Variants in RUVBL1 observed in about 807,000 individuals in gnomAD.
RUVBL1 encodes RuvB like AAA ATPase 1.
A neutral mutation model predicts 52.4 loss-of-function variants in RUVBL1; 4 were observed. That is an observed-to-expected ratio of 0.08 (90% CI 0.04 to 0.17). The LOEUF (loss-of-function observed/expected upper bound fraction) is 0.17. Among genes scored for constraint, RUVBL1 ranks in the 10% least tolerant of loss-of-function variants. The pLI is 1.00. For missense variants in RUVBL1, 298 were observed against 572.8 expected, an observed-to-expected ratio of 0.52 and a Z score of 4.90; for synonymous variants, 217 against 214.4, an observed-to-expected ratio of 1.01 and a Z score of -0.10.
At chr3:128,119,470 G>T in intron 1 of RUVBL1, 56 bp from the exon 2 acceptor site, 1 of 1,449,300 alleles carries the variant, frequency 6.9e-7, no homozygotes, top group South Asian at 1.2e-5. Context: ...TTCACAAGGG[G>T]AAAAATCTCA....
At chr3:128,146,763 C>A (rs1576492564) in intron 1 of RUVBL1, among the ~76,000 whole-genome samples, 1 of 148,630 alleles carries the variant, frequency 6.7e-6, no homozygotes, top group Non-Finnish European at 1.5e-5. Context: ...GTACGTACAT[C>A]TGTGTGTCTC....
At chr3:128,150,133 C>T (rs141522246) in intron 1 of RUVBL1, among the ~76,000 whole-genome samples, 92 of 152,312 alleles carry the variant, frequency 6.0e-4, no homozygotes, top group African/African-American at 2.0e-3. Flanking sequence ...AAGCATCCTC[C>T]TCCCTTGCAC....
At chr3:128,093,857 G>A (rs565348673) in intron 8 of RUVBL1, among the ~76,000 whole-genome samples, 1 of 152,322 alleles carries the variant, frequency 6.6e-6, no homozygotes, top group Non-Finnish European at 1.5e-5. Flanking sequence ...AGGGACAGGT[G>A]CTTCTTCTAG....
intron 3 of RUVBL1, 57 bp downstream of exon 3, chr3:128,112,831 G>T (rs192708772): frequency 3.2e-6 from 5 of 1,578,638 alleles, no homozygotes; most frequent in African/African-American, 1.4e-5. Flanking sequence ...AAGAGGCTTC[G>T]GTGCACAGGC....
chr3:128,086,421 T>C (rs1040955760), intron 9 of RUVBL1, among the ~76,000 whole-genome samples: 8 of 152,230 alleles, frequency 5.3e-5, no homozygotes, highest in African/African-American at 1.9e-4. Context: ...AAAGATGCCA[T>C]GCTCTGGTGA....
chr3:128,081,405 A>G lies in RUVBL1; in HGVS notation c.1216T>C (p.Ser406Pro). The G allele has an allele frequency of 6.2e-7, 1 of 1,612,732 alleles. No homozygotes were observed. Among genetic ancestry groups the G allele is most frequent in the Non-Finnish European group, 8.5e-7 (1 of 1,178,802 alleles). ...TTGGCCGGGGTCAGCAGCTGCACTG[A>G]GTACCTAGAGTGGACAGGGGCCAGG... ...EIGTKTTLRY[S>P]VQLLTPANLL... The change falls in exon 11 of 11, where the codon TCA (serine) becomes CCA (proline). Residue 406 changes from serine to proline, a missense_variant. Physicochemically the swap from Ser to Pro is moderately conservative, Grantham distance 74. This residue lies in a region of RUVBL1 where 161 missense variants were observed against 298.3 expected (regional missense o/e 0.54). Transcript: ENST00000322623. The surrounding 1 kb of genome is among the most constrained non-coding windows in gnomAD (Gnocchi z 4.8).
At chr3:128,105,075 T>C in intron 3 of RUVBL1, 151 bp from the exon 4 acceptor site, 1 of 683,790 alleles carries the variant, frequency 1.5e-6, no homozygotes, top group Non-Finnish European at 2.3e-6. Flanking sequence ...AATACAAACA[T>C]ATCAATGTAA....
In RUVBL1 at chr3:128,081,977, C is replaced by T. The variant is rs1422061704; in HGVS notation, c.1211+506G>A. 1 of 164,046 alleles carries T rather than the reference C, an allele frequency of 6.1e-6. No homozygotes were observed. Among genetic ancestry groups the T allele is most frequent in the African/African-American group, 2.4e-5 (1 of 41,524 alleles). The allele number at this position is 164,046 out of a possible 1,614,324, so 10.2% of individuals were successfully genotyped here. A position where few individuals can be genotyped will look rare whatever the true frequency, so the allele number is the denominator to read the frequency against. On this transcript the variant is annotated intron_variant, in intron 10 of 10. Transcript: ENST00000322623. The surrounding 1 kb of genome is among the most constrained non-coding windows in gnomAD (Gnocchi z 4.8). ...GCCACTGTGAAGGGACATGCTCTGCCGGTCCTGTGTTTGAGCCGCTGGAGA... is the reference window on the plus strand; with the variant it reads ...GCCACTGTGAAGGGACATGCTCTGCTGGTCCTGTGTTTGAGCCGCTGGAGA...
chr3:128,081,274 G>T lies in RUVBL1; in HGVS notation c.1347C>A (p.Asp449Glu). Residue 449 changes from aspartate (D) to glutamate (E), a missense_variant, in exon 11 of 11, where the codon GAC becomes GAA. Asp to Glu is a conservative substitution (Grantham distance 45). Coordinates refer to ENST00000322623, the MANE Select transcript of RUVBL1 (RefSeq NM_003707.3). The surrounding 1 kb of genome is among the most constrained non-coding windows in gnomAD (Gnocchi z 4.8). ...CTCACTTCATGTACTTATCCTGCTG[G>T]TCAGCCAGGATTTTGGCGGAGGACT... ...DAKSSAKILADQQDKYMK is the reference protein window; with the variant it reads ...DAKSSAKILAEQQDKYMK 1 of 1,614,200 alleles carries T rather than the reference G, an allele frequency of 6.2e-7. No individual in the cohort carries two copies. The highest frequency in any genetic ancestry group is 8.5e-7 in the Non-Finnish European group (1 of 1,180,016).
intron 1 of RUVBL1, among the ~76,000 whole-genome samples, chr3:128,147,440 T>A (rs536668979): frequency 1.3e-5 from 2 of 152,158 alleles, no homozygotes; most frequent in South Asian, 4.1e-4. Flanking sequence ...TTACAAAAAA[T>A]TTTAAAAATT....
intron 1 of RUVBL1, among the ~76,000 whole-genome samples, chr3:128,119,883 G>A (rs574888644): frequency 6.6e-6 from 1 of 152,322 alleles, no homozygotes; most frequent in East Asian, 1.9e-4. Context: ...AAAAAGACCA[G>A]GAAGATGAGG....
At chr3:128,122,092 A>T (rs576437923) in intron 1 of RUVBL1, among the ~76,000 whole-genome samples, 1 of 152,346 alleles carries the variant, frequency 6.6e-6, no homozygotes, top group South Asian at 2.1e-4. Context: ...GGCATAGAGC[A>T]TGCACTCTGG....
chr3:128,119,458 G>T (rs762221880), intron 1 of RUVBL1, 44 bp from the exon 2 acceptor site: 2 of 1,515,756 alleles, frequency 1.3e-6, no homozygotes, highest in Admixed American at 1.7e-5. Context: ...ATATTAAAAT[G>T]TTTCACAAGG....
intron 1 of RUVBL1, among the ~76,000 whole-genome samples, chr3:128,150,595 T>G (rs142331306): frequency 7.2e-6 from 1 of 138,622 alleles, no homozygotes; most frequent in Non-Finnish European, 1.5e-5. Flanking sequence ...AGAATATATA[T>G]ATTTGACAGA....
At chr3:128,153,343 G>A in exon 1 of RUVBL1, 1 of 1,380,304 alleles carries the variant, frequency 7.2e-7, no homozygotes. Context: ...TCGGAGCACG[G>A]CGCTCGGCTG....
At chr3:128,134,594 C>T (rs1398710472) in intron 1 of RUVBL1, among the ~76,000 whole-genome samples, 1 of 151,798 alleles carries the variant, frequency 6.6e-6, no homozygotes, top group Non-Finnish European at 1.5e-5. Context: ...CGAGACCAGC[C>T]TGGGCAACAT....
intron 8 of RUVBL1, 89 bp downstream of exon 8, chr3:128,097,211 C>T: frequency 7.7e-7 from 1 of 1,293,240 alleles, no homozygotes; most frequent in Non-Finnish European, 1.1e-6. Flanking sequence ...ATCCCTGTCC[C>T]ACCTCATGGG....
At chr3:128,129,166 G>T (rs543964361) in intron 1 of RUVBL1, among the ~76,000 whole-genome samples, 1 of 152,178 alleles carries the variant, frequency 6.6e-6, no homozygotes, top group Admixed American at 6.5e-5. Context: ...AAAGTCCAGG[G>T]TGCCACAAAA....
intron 1 of RUVBL1, among the ~76,000 whole-genome samples, chr3:128,133,857 C>T (rs1432803213): frequency 6.6e-6 from 1 of 152,156 alleles, no homozygotes; most frequent in African/African-American, 2.4e-5. Context: ...CAAATATCCA[C>T]ATCATCAAGG....
Sources: allele counts gnomAD v4.1 joint callset (sites outside exome capture counted in the v4.1 genomes callset), GRCh38; gene constraint gnomAD v4.1.1; regional missense constraint gnomAD v4.1.1; non-coding constraint Gnocchi (gnomAD v3.1); transcripts MANE v1.5; gene names NCBI Gene and HGNC (gene_info 2026-07-23, HGNC 2026-07-21).